The following WDFY4 variants were observed in gnomAD, a reference collection of about 807,000 sequenced individuals.
The protein encoded by WDFY4 is WD repeat- and FYVE domain-containing protein 4.
A neutral mutation model predicts 351.9 loss-of-function variants in WDFY4; 169 were observed. The ratio of observed to expected loss-of-function variants is 0.48; its 90% CI spans 0.42 to 0.55. WDFY4 has a LOEUF of 0.55. Ranked by LOEUF, WDFY4 falls within the 20% of genes least tolerant of loss-of-function variation. WDFY4 has a pLI of 0.00. For synonymous variants in WDFY4, 1,622 were observed against 1,574.6 expected (o/e 1.03, Z -0.71); for missense variants, 3,803 against 3,935.6 (o/e 0.97, Z 0.90).
At chr10:48,781,184 A>T (rs2066208832) in intron 19 of WDFY4, among the ~76,000 whole-genome samples, 1 of 152,222 alleles carries the variant, frequency 6.6e-6, no homozygotes. Context: ...CTGCTGGTAA[A>T]GTTCTGTTAT....
chr10:48,780,158 ATACCTCCTGC>A, intron 19 of WDFY4, 39 bp downstream of exon 19: 4 of 1,548,874 alleles, frequency 2.6e-6, no homozygotes, highest in Non-Finnish European at 3.5e-6. Context: ...CCCCACAACC[ATACCTCCTGC>A]TACTACCCTG....
rs373995738 is a variant in WDFY4, at chr10:48,849,782, C to T, written c.6663+17073C>T. Among the ~76,000 whole-genome samples the T allele has an allele frequency of 1.3e-4, 20 of 152,350 alleles. No homozygotes were observed. The South Asian group carries it at 3.9e-3, about 30-fold the overall frequency. ...ATTGACATTGTTGCATTACTATTGA[C>T]TAAACATCAGACTTTATTTTAATTT... is the stretch of plus-strand genomic sequence containing the variant. On this transcript the variant is annotated intron_variant, in intron 39 of 61. Transcript: ENST00000325239.
intron 54 of WDFY4, 92 bp downstream of exon 54, chr10:48,964,146 C>A: frequency 2.2e-6 from 3 of 1,381,914 alleles, no homozygotes; most frequent in Admixed American, 2.0e-5. Flanking sequence ...AAGGAGATGG[C>A]TGAAGAGGTG....
intron 57 of WDFY4, among the ~76,000 whole-genome samples, chr10:48,971,964 T>G (rs1001136923): frequency 6.6e-6 from 1 of 152,180 alleles, no homozygotes; most frequent in Non-Finnish European, 1.5e-5. Context: ...CACCTGACCC[T>G]GGGGCTGGCC....
At chr10:48,950,963 G>T (rs745831504) in intron 51 of WDFY4, among the ~76,000 whole-genome samples, 2 of 152,210 alleles carry the variant, frequency 1.3e-5, no homozygotes, top group African/African-American at 2.4e-5. Context: ...CACCCAGTGC[G>T]GTCTGCTGGG....
rs1422549085 is a variant in WDFY4, at chr10:48,777,077, A to G, written c.3098+93A>G. Reference sequence around the variant, plus strand: ...TATTGATTGCAAACTTGTAGTTCCCATTGAATCTCACCACTCAGCAGAGGA... The same window carrying G: ...TATTGATTGCAAACTTGTAGTTCCCGTTGAATCTCACCACTCAGCAGAGGA... On this transcript the variant is annotated intron_variant, in intron 16 of 61. Transcript: ENST00000325239. 1.2e-5 allele frequency: 17 copies of G among 1,377,930 alleles called. No individual in the cohort carries two copies. In the South Asian group the frequency reaches 1.6e-4, roughly 13 times the overall value. The allele number at this position is 1,377,930 out of a possible 1,614,324, so 85.4% of individuals were successfully genotyped here. A position where few individuals can be genotyped will look rare whatever the true frequency, so the allele number is the denominator to read the frequency against.
Position 48,811,850 on chromosome 10 carries a change from C to A in WDFY4, c.5214+142C>A. The A allele has an allele frequency of 4.8e-6, 4 of 834,816 alleles. 1 individual carries two copies. In the South Asian group the frequency reaches 7.2e-5, roughly 15 times the overall value. 51.7% of individuals were successfully genotyped at this position (834,816 alleles called of 1,614,324 possible). ...GGTGCTGGCCCACTTCCCTCCCTAG[C>A]AGCCCACACCCTTGGCCAGCCCTTC... On this transcript the variant is annotated intron_variant, in intron 30 of 61. Coordinates refer to ENST00000325239, the MANE Select transcript of WDFY4 (RefSeq NM_001394531.1).
intron 13 of WDFY4, among the ~76,000 whole-genome samples, chr10:48,772,865 A>G (rs1343597434): frequency 6.6e-6 from 1 of 151,298 alleles, no homozygotes; most frequent in Admixed American, 6.6e-5. Flanking sequence ...GTCCCTACAA[A>G]GGACATGAAC....
chr10:48,894,406 G>T (rs1836968298), intron 44 of WDFY4, among the ~76,000 whole-genome samples: 1 of 152,210 alleles, frequency 6.6e-6, no homozygotes, highest in South Asian at 2.1e-4. Flanking sequence ...GGGTGTTAGA[G>T]TTGGAGGACC....
Position 48,936,292 on chromosome 10 carries a change from T to C in WDFY4, c.7587-5514T>C, listed in dbSNP as rs143136920. 5.1e-3 allele frequency among the ~76,000 whole-genome samples: 775 copies of C among 152,202 alleles called. 3 individuals carry two copies. The highest frequency in any genetic ancestry group is 0.018 in the African/African-American group (742 of 41,558). On this transcript the variant is annotated intron_variant, in intron 47 of 61. Transcript: ENST00000325239. The stretch of plus-strand genomic sequence containing the variant: ...CATGTTTTAAGTCCAAAAAATAAAA[T>C]ACATAATTTAATGTAGACAGCAAAT...
intron 30 of WDFY4, among the ~76,000 whole-genome samples, chr10:48,812,429 A>T (rs2067485837): frequency 6.6e-6 from 1 of 151,842 alleles, no homozygotes; most frequent in Non-Finnish European, 1.5e-5. Context: ...ACCTCAGGTG[A>T]TCCACCCTCC....
chr10:48,743,239 T>A lies in WDFY4; in HGVS notation c.2150T>A (p.Leu717Gln). Residue 717 changes from leucine to glutamine, a missense_variant, in exon 12 of 62, where the codon CTG becomes CAG. Leu to Gln is a moderately radical substitution (Grantham distance 113). Around this residue, in one of 3 missense-constraint regions of WDFY4, gnomAD observed 3,054 missense variants for 3,148.6 expected, o/e 0.97. Coordinates refer to ENST00000325239, the MANE Select transcript of WDFY4 (RefSeq NM_001394531.1). ...LFEKLAEDLC[L>Q]LGCFGALEEE... ...GAGAAGCTGGCCGAGGACCTCTGCC[T>A]GCTGGGCTGTTTTGGAGCCCTGGAG... 1 of 1,551,704 alleles carries A rather than the reference T, an allele frequency of 6.4e-7. No individual in the cohort carries two copies. The highest frequency in any genetic ancestry group is 8.7e-7 in the Non-Finnish European group (1 of 1,146,980).
At chr10:48,733,434 A>G (rs999696884) in intron 9 of WDFY4, among the ~76,000 whole-genome samples, 8 of 152,132 alleles carry the variant, frequency 5.3e-5, no homozygotes, top group African/African-American at 1.9e-4. Context: ...GGGATCACCT[A>G]TTTACTCCAG....
chr10:48,773,692 G>A (rs1463911328), intron 13 of WDFY4, among the ~76,000 whole-genome samples: 2 of 152,210 alleles, frequency 1.3e-5, no homozygotes, highest in Non-Finnish European at 2.9e-5. Context: ...GATGATGGGA[G>A]GGTGGGCGGA....
At chr10:48,768,870 A>G (rs1202918741) in intron 13 of WDFY4, among the ~76,000 whole-genome samples, 1 of 152,174 alleles carries the variant, frequency 6.6e-6, no homozygotes, top group Admixed American at 6.5e-5. Flanking sequence ...AGTAATAAGC[A>G]GGAGCTCAGC....
intron 39 of WDFY4, among the ~76,000 whole-genome samples, chr10:48,837,067 C>A (rs903780432): frequency 1.6e-4 from 24 of 152,076 alleles, no homozygotes; most frequent in Admixed American, 1.6e-3. Flanking sequence ...TAGATGAAAA[C>A]TCTCTACTAT....
intron 1 of WDFY4, among the ~76,000 whole-genome samples, chr10:48,686,033 G>A (rs1018874699): frequency 3.3e-5 from 5 of 152,084 alleles, no homozygotes; most frequent in African/African-American, 7.2e-5. Flanking sequence ...ACCTCGTGGA[G>A]GTTGGTGTGG....
intron 9 of WDFY4, among the ~76,000 whole-genome samples, chr10:48,732,609 T>C (rs1032705327): frequency 6.6e-6 from 1 of 152,208 alleles, no homozygotes; most frequent in Non-Finnish European, 1.5e-5. Flanking sequence ...CTGAGTGATC[T>C]TGAGAAAGTG....
chr10:48,754,080 T>C (rs1430293474), intron 12 of WDFY4, among the ~76,000 whole-genome samples: 1 of 152,220 alleles, frequency 6.6e-6, no homozygotes, highest in South Asian at 2.1e-4. Context: ...GGTTTTGTTA[T>C]GTTGAACCAC....
Sources: gnomAD v4.1 joint callset for allele counts (sites outside exome capture counted in the v4.1 genomes callset) on GRCh38, gnomAD v4.1.1 for gene constraint, gnomAD v4.1.1 regional missense constraint, MANE v1.5 for transcripts, NCBI Gene and HGNC (gene_info 2026-07-23, HGNC 2026-07-21) for gene names.